Variants in EYS observed in about 807,000 individuals in gnomAD.
The protein encoded by EYS is protein eyes shut homolog.
A neutral mutation model predicts 282.1 loss-of-function variants in EYS; 250 were observed. The ratio of observed to expected loss-of-function variants is 0.89; its 90% CI spans 0.80 to 0.98. The LOEUF is 0.98. Among genes scored for constraint, EYS ranks in the 50% least tolerant of loss-of-function variants. The pLI is 0.00. For missense variants in EYS, 4,016 were observed against 3,709.0 expected (o/e 1.08, Z -2.15); for synonymous variants, 1,355 against 1,282.9 (o/e 1.06, Z -1.20).
chr6:65,217,606 C>T (rs1385496735), intron 12 of EYS, among the ~76,000 whole-genome samples: 1 of 151,858 alleles, frequency 6.6e-6, no homozygotes, highest in Non-Finnish European at 1.5e-5. Flanking sequence ...TCACAGAAGG[C>T]ATTTTTGAGG....
At chr6:64,121,117 C>T (rs1421511104) in intron 31 of EYS, among the ~76,000 whole-genome samples, 1 of 152,174 alleles carries the variant, frequency 6.6e-6, no homozygotes, top group Non-Finnish European at 1.5e-5. Context: ...GTTTGCTCTC[C>T]TTCAGGCCAG....
chr6:64,609,448 G>A (rs1374586200), intron 24 of EYS, among the ~76,000 whole-genome samples: 3 of 152,142 alleles, frequency 2.0e-5, no homozygotes, highest in Non-Finnish European at 4.4e-5. Context: ...ACAGTACAGG[G>A]TTAGAAGATC....
intron 26 of EYS, among the ~76,000 whole-genome samples, chr6:64,554,251 C>A (rs368430839): frequency 6.6e-6 from 1 of 152,000 alleles, no homozygotes; most frequent in African/African-American, 2.4e-5. Flanking sequence ...AATTGTAATG[C>A]CATTCCATTT....
At chr6:64,009,729 T>C (rs1768517622) in intron 33 of EYS, among the ~76,000 whole-genome samples, 1 of 152,224 alleles carries the variant, frequency 6.6e-6, no homozygotes. Flanking sequence ...AATTTTGTCA[T>C]TTCAGCCATT....
intron 12 of EYS, among the ~76,000 whole-genome samples, chr6:65,286,612 C>T (rs1467217798): frequency 1.3e-5 from 2 of 151,212 alleles, no homozygotes; most frequent in African/African-American, 2.4e-5. Flanking sequence ...AAATGAATAC[C>T]AAAAATTCTA....
At chr6:64,448,716 A>G (rs1775209167) in intron 26 of EYS, among the ~76,000 whole-genome samples, 2 of 152,202 alleles carry the variant, frequency 1.3e-5, no homozygotes, top group African/African-American at 4.8e-5. Flanking sequence ...GCTGTTCTGC[A>G]TCCTCCACTG....
chr6:63,723,770 G>C (rs1478859804), intron 42 of EYS, among the ~76,000 whole-genome samples: 2 of 149,086 alleles, frequency 1.3e-5, no homozygotes, highest in Non-Finnish European at 3.0e-5. Flanking sequence ...CTAGTTATGG[G>C]TCATAAGTAC....
At chr6:65,633,928 G>A (rs987951849) in intron 2 of EYS, among the ~76,000 whole-genome samples, 27 of 152,300 alleles carry the variant, frequency 1.8e-4, no homozygotes, top group African/African-American at 6.5e-4. Context: ...AGTGCTCTTC[G>A]GCCTTTGCCT....
intron 37 of EYS, among the ~76,000 whole-genome samples, chr6:63,805,626 C>T (rs551706922): frequency 6.6e-6 from 1 of 152,166 alleles, no homozygotes; most frequent in East Asian, 1.9e-4. Context: ...TTTTGTGTTC[C>T]CACGCAAACC....
At chr6:65,641,484 G>C (rs910608670) in intron 1 of EYS, among the ~76,000 whole-genome samples, 2 of 152,190 alleles carry the variant, frequency 1.3e-5, no homozygotes, top group Non-Finnish European at 2.9e-5. Context: ...CTTCAGAGAG[G>C]AGGAGAGCAA....
intron 12 of EYS, among the ~76,000 whole-genome samples, chr6:65,273,551 C>A (rs138393153): frequency 6.6e-6 from 1 of 152,190 alleles, no homozygotes; most frequent in African/African-American, 2.4e-5. Context: ...GCTCCAGACA[C>A]CCCCAATCCA....
chr6:65,065,125 C>T (rs900904715), intron 12 of EYS, among the ~76,000 whole-genome samples: 4 of 152,078 alleles, frequency 2.6e-5, no homozygotes, highest in Non-Finnish European at 5.9e-5. Context: ...TGTCTAATAA[C>T]ATGATGGAGA....
In EYS at chr6:64,559,271, A is replaced by ATGTGTGTGTG. The variant is rs4034160; in HGVS notation, c.5644+30942_5644+30951dup. Among the ~76,000 whole-genome samples the ATGTGTGTGTG allele has an allele frequency of 5.0e-3, 718 of 142,302 alleles. 8 individuals carry two copies. The highest frequency in any genetic ancestry group is 8.8e-3 in the East Asian group (42 of 4,772). 93.4% of individuals were successfully genotyped at this position (142,302 alleles called of 152,430 possible). On this transcript the variant is annotated intron_variant, in intron 26 of 42. Coordinates refer to ENST00000503581, the MANE Select transcript of EYS (RefSeq NM_001142800.2). ...CTTCTTTGTATGTGTGTGTGTGTGC[A>ATGTGTGTGTG]TGTGTGTGTGTGTGTGTGTGTGTGT...
At chr6:63,864,101 T>C in intron 36 of EYS, 85 bp downstream of exon 36, 1 of 1,236,728 alleles carries the variant, frequency 8.1e-7, no homozygotes, top group Non-Finnish European at 1.1e-6. Context: ...ATCAGTCAAG[T>C]GCTATCCTTG....
chr6:64,324,054 G>C (rs1770317035), intron 29 of EYS, among the ~76,000 whole-genome samples: 1 of 152,112 alleles, frequency 6.6e-6, no homozygotes, highest in East Asian at 1.9e-4. Context: ...ACTTTTGACA[G>C]CTCTTAATGG....
chr6:63,880,507 C>CTATCTATCTATG (rs1773104262), intron 35 of EYS, among the ~76,000 whole-genome samples: 1 of 151,950 alleles, frequency 6.6e-6, no homozygotes, highest in Non-Finnish European at 1.5e-5. Context: ...ATCTATCTAT[C>CTATCTATCTATG]TATCTATCTA....
rs1199002175 is a variant in EYS at position 64,802,023 on chromosome 6, C to CTTTTTTTTTTTTTTTTTTTTTTTTT, written c.3443+11354_3443+11355insAAAAAAAAAAAAAAAAAAAAAAAAA. Among the ~76,000 whole-genome samples, 4 of 70,780 alleles carry CTTTTTTTTTTTTTTTTTTTTTTTTT rather than the reference C, an allele frequency of 5.7e-5. 2 individuals carry two copies. Among genetic ancestry groups the CTTTTTTTTTTTTTTTTTTTTTTTTT allele is most frequent in the Non-Finnish European group, 5.4e-5 (2 of 37,032 alleles). The allele number at this position is 70,780 out of a possible 152,430, so 46.4% of individuals were successfully genotyped here. A position where few individuals can be genotyped will look rare whatever the true frequency, so the allele number is the denominator to read the frequency against. ...AGAGAGTTATAACAAATTTCTTTTT[C>CTTTTTTTTTTTTTTTTTTTTTTTTT]TTTTTTTTTCTTTTTTTTTTTTTTT... On this transcript the variant is annotated intron_variant, in intron 22 of 42. Coordinates refer to ENST00000503581, the MANE Select transcript of EYS (RefSeq NM_001142800.2).
In EYS at chr6:64,593,166, T is replaced by A. The variant is rs977547631; in HGVS notation, c.3828A>T (p.Ile1276=). 1.9e-6 allele frequency: 3 copies of A among 1,549,078 alleles called. No homozygotes were observed. Among genetic ancestry groups the A allele is most frequent in the Non-Finnish European group, 2.6e-6 (3 of 1,145,840 alleles). ...SETLVSSFPS[I]KATRIPAIMD... Reference sequence around the variant, plus strand: ...TTATGGCTGGTATTCTAGTAGCCTTTATAGATGGAAAGCTGCTGACCAAAG... The same window carrying A: ...TTATGGCTGGTATTCTAGTAGCCTTAATAGATGGAAAGCTGCTGACCAAAG... The change falls in exon 25 of 43, where the codon ATA becomes ATT. Residue 1276 remains isoleucine, a synonymous_variant. Coordinates refer to ENST00000503581, the MANE Select transcript of EYS (RefSeq NM_001142800.2).
intron 12 of EYS, among the ~76,000 whole-genome samples, chr6:65,263,559 T>C (rs1767673322): frequency 6.6e-6 from 1 of 152,168 alleles, no homozygotes; most frequent in South Asian, 2.1e-4. Context: ...ATTTGTATTA[T>C]AATTAATGTT....
Sources: allele counts gnomAD v4.1 joint callset (sites outside exome capture counted in the v4.1 genomes callset), GRCh38; gene constraint gnomAD v4.1.1; transcripts MANE v1.5; gene names NCBI Gene and HGNC (gene_info 2026-07-23, HGNC 2026-07-21).